Variants in ZNF385D observed in about 807,000 individuals in gnomAD.
The protein encoded by ZNF385D is zinc finger protein 385D.
Under a neutral mutation model 35.8 loss-of-function variants are expected in ZNF385D, and 15 were observed. The ratio of observed to expected loss-of-function variants is 0.42; its 90% CI spans 0.28 to 0.64. ZNF385D has a LOEUF of 0.64. Ranked by LOEUF, ZNF385D falls within the 30% of genes least tolerant of loss-of-function variation. ZNF385D has a pLI of 0.23. For missense variants in ZNF385D, 474 were observed against 494.6 expected, an observed-to-expected ratio of 0.96 and a Z score of 0.39; for synonymous variants, 212 against 186.8, an observed-to-expected ratio of 1.13 and a Z score of -1.10.
At chr3:21,525,109 C>A (rs1708146179) in intron 3 of ZNF385D, among the ~76,000 whole-genome samples, 1 of 152,110 alleles carries the variant, frequency 6.6e-6, no homozygotes, top group African/African-American at 2.4e-5. Flanking sequence ...ACAAATATAT[C>A]ATTTAAAAGT....
intron 3 of ZNF385D, among the ~76,000 whole-genome samples, chr3:22,095,990 T>C (rs1207257207): frequency 6.6e-6 from 1 of 151,970 alleles, no homozygotes; most frequent in Non-Finnish European, 1.5e-5. Flanking sequence ...CTAAAGTCTT[T>C]GGTAATAAAA....
chr3:21,757,113 A>T (rs1382939800), intron 3 of ZNF385D, among the ~76,000 whole-genome samples: 1 of 115,406 alleles, frequency 8.7e-6, no homozygotes, highest in Non-Finnish European at 1.7e-5. Context: ...ACATATGATA[A>T]ATTTCTCTTT....
chr3:21,827,018 T>C (rs1487354048), intron 3 of ZNF385D, among the ~76,000 whole-genome samples: 8 of 152,106 alleles, frequency 5.3e-5, no homozygotes, highest in Non-Finnish European at 1.0e-4. Flanking sequence ...TGCTTCTCTA[T>C]AGGTTGTGCA....
At position 21,823,727 on chromosome 3, in the gene ZNF385D, C is replaced by A. The variant is rs79708008; in HGVS notation, c.326-158699G>T. Among the ~76,000 whole-genome samples, 685 of 152,194 alleles carry A rather than the reference C, an allele frequency of 4.5e-3. 11 individuals carry two copies. Among genetic ancestry groups the A allele is most frequent in the African/African-American group, 0.015 (636 of 41,528 alleles). ...CTCCTTAACCACAGAAGGTATGTTTCCAAAGAATACACAGTAAATGCAAAT... is the reference window on the plus strand; with the variant it reads ...CTCCTTAACCACAGAAGGTATGTTTACAAAGAATACACAGTAAATGCAAAT... On this transcript the variant is annotated intron_variant, in intron 3 of 5. Coordinates refer to the ZNF385D transcript ENST00000494108.
chr3:21,849,171 A>G (rs1199056348), intron 3 of ZNF385D, among the ~76,000 whole-genome samples: 2 of 152,160 alleles, frequency 1.3e-5, no homozygotes, highest in East Asian at 1.9e-4. Context: ...GCATTTTACT[A>G]TTGCTACATA....
At chr3:21,970,818 A>G (rs1340142545) in intron 3 of ZNF385D, among the ~76,000 whole-genome samples, 2 of 152,124 alleles carry the variant, frequency 1.3e-5, no homozygotes, top group African/African-American at 2.4e-5. Context: ...AAGGAAGAAG[A>G]GAAAAGAAAC....
At chr3:22,024,564 T>G (rs947601740) in intron 3 of ZNF385D, among the ~76,000 whole-genome samples, 8 of 152,114 alleles carry the variant, frequency 5.3e-5, no homozygotes, top group African/African-American at 1.7e-4. Flanking sequence ...TGGAGAACTG[T>G]TAATAGTATG....
intron 3 of ZNF385D, among the ~76,000 whole-genome samples, chr3:22,141,002 A>G (rs1199031075): frequency 6.6e-6 from 1 of 152,232 alleles, no homozygotes; most frequent in East Asian, 1.9e-4. Flanking sequence ...CAAATTGTAT[A>G]TCAATATCAC....
At chr3:22,333,820 G>C (rs561439369) in intron 2 of ZNF385D, among the ~76,000 whole-genome samples, 114 of 152,282 alleles carry the variant, frequency 7.5e-4, no homozygotes, top group Middle Eastern at 3.4e-3. Context: ...GTGACCTTGG[G>C]TGGAAGCTGG....
rs1369697592 is a variant in ZNF385D, at chr3:21,697,577, A to T, written c.23-32549T>A. 3.3e-5 allele frequency among the ~76,000 whole-genome samples: 5 copies of T among 152,290 alleles called. No homozygotes were observed. The East Asian group carries it at 9.7e-4, about 29-fold the overall frequency. On this transcript the variant is annotated intron_variant, in intron 1 of 7. Coordinates refer to ENST00000281523, the MANE Select transcript of ZNF385D (RefSeq NM_024697.3). ...CATTTGTAACTAAGTACTCAAAAGC[A>T]ATTGCAACAAAACCAAAAATGGACA... is the stretch of plus-strand genomic sequence containing the variant.
intron 3 of ZNF385D, among the ~76,000 whole-genome samples, chr3:21,784,825 G>A (rs899054561): frequency 6.6e-6 from 1 of 151,918 alleles, no homozygotes; most frequent in Non-Finnish European, 1.5e-5. Context: ...CCTGCCTTAG[G>A]CTCCAACATG....
chr3:22,274,999 T>A lies in ZNF385D; in HGVS notation c.106+97451A>T, dbSNP rs77724317. Among the ~76,000 whole-genome samples the A allele has an allele frequency of 4.7e-3, 722 of 152,164 alleles. 3 individuals carry two copies. Among genetic ancestry groups the A allele is most frequent in the African/African-American group, 0.017 (687 of 41,554 alleles). On this transcript the variant is annotated intron_variant, in intron 2 of 5. Transcript: ENST00000494108. ...TTGTATATACCACAGATCAATTGAT[T>A]AGAGAATAAGACAAACCCTGTGGAT...
intron 4 of ZNF385D, among the ~76,000 whole-genome samples, chr3:21,508,977 T>C (rs1463875281): frequency 3.3e-5 from 5 of 151,188 alleles, no homozygotes; most frequent in African/African-American, 1.2e-4. Flanking sequence ...GGCTTTTTTT[T>C]TTTTTCTTTT....
chr3:22,110,133 A>C lies in ZNF385D; in HGVS notation c.325+58684T>G, dbSNP rs374871352. Reference sequence around the variant, plus strand: ...GAATGGCAATCATTAAAAAGTCAGGAAACAACAGGTGCTGGAGAGGATGTG... The same window carrying C: ...GAATGGCAATCATTAAAAAGTCAGGCAACAACAGGTGCTGGAGAGGATGTG... On this transcript the variant is annotated intron_variant, in intron 3 of 5. Transcript: ENST00000494108. Among the ~76,000 whole-genome samples, 26 of 152,210 alleles carry C rather than the reference A, an allele frequency of 1.7e-4. No homozygotes were observed. In the East Asian group the frequency reaches 4.4e-3, roughly 26 times the overall value.
chr3:21,565,016 G>A (rs2063093536), intron 2 of ZNF385D, among the ~76,000 whole-genome samples: 1 of 152,120 alleles, frequency 6.6e-6, no homozygotes, highest in Non-Finnish European at 1.5e-5. Flanking sequence ...GCTAATGCCA[G>A]CAATCTAACA....
chr3:21,897,211 G>A (rs943527975), intron 3 of ZNF385D, among the ~76,000 whole-genome samples: 4 of 152,074 alleles, frequency 2.6e-5, no homozygotes, highest in Non-Finnish European at 5.9e-5. Flanking sequence ...ATACAATAAT[G>A]GTTCTCTTGA....
intron 3 of ZNF385D, among the ~76,000 whole-genome samples, chr3:22,155,417 G>A (rs1705521798): frequency 6.6e-6 from 1 of 151,848 alleles, no homozygotes. Flanking sequence ...GATTTCTTAA[G>A]GAAATTCTAT....
At chr3:22,357,725 G>C (rs1232931657) in intron 2 of ZNF385D, among the ~76,000 whole-genome samples, 1 of 151,826 alleles carries the variant, frequency 6.6e-6, no homozygotes, top group African/African-American at 2.4e-5. Flanking sequence ...CTGGAGTACT[G>C]TTTGTCTCTG....
intron 3 of ZNF385D, among the ~76,000 whole-genome samples, chr3:21,973,473 G>C (rs1466860029): frequency 6.6e-6 from 1 of 151,880 alleles, no homozygotes. Context: ...TATTGAACAG[G>C]GAAAAACTGA....
Sources: gnomAD v4.1 joint callset for allele counts (sites outside exome capture counted in the v4.1 genomes callset) on GRCh38, gnomAD v4.1.1 for gene constraint, MANE v1.5 for transcripts, NCBI Gene and HGNC (gene_info 2026-07-23, HGNC 2026-07-21) for gene names.